SEL1L2: variants seen among roughly 807,000 people sequenced by gnomAD.
SEL1L2 encodes SEL1L2 adaptor subunit of SYVN1 ubiquitin ligase.
A neutral mutation model predicts 98.8 loss-of-function variants in SEL1L2; 89 were observed. The ratio of observed to expected loss-of-function variants is 0.90; its 90% confidence interval spans 0.76 to 1.07. The LOEUF (loss-of-function observed/expected upper bound fraction) is 1.07, where lower values mean the gene tolerates loss of function less well. Ranked by LOEUF, SEL1L2 falls within the 50% of genes least tolerant of loss-of-function variation. The pLI, the probability that SEL1L2 is intolerant of heterozygous loss-of-function variation, is 0.00. For missense variants in SEL1L2, 788 were observed against 812.0 expected, an observed-to-expected ratio of 0.97 and a Z score of 0.36; for synonymous variants, 262 against 278.5, an observed-to-expected ratio of 0.94 and a Z score of 0.59.
chr20:13,876,406 C>CTTTTTT (rs11087067), intron 11 of SEL1L2, among the ~76,000 whole-genome samples: 3 of 101,944 alleles, frequency 2.9e-5, no homozygotes, highest in Non-Finnish European at 6.0e-5. Flanking sequence ...CTCTCTCTCT[C>CTTTTTT]TTTTTTTTTT....
intron 5 of SEL1L2, among the ~76,000 whole-genome samples, chr20:13,904,798 CTAATT>C (rs1364001561): frequency 6.6e-6 from 1 of 152,156 alleles, no homozygotes; most frequent in African/African-American, 2.4e-5. Flanking sequence ...AATTTAGAAT[CTAATT>C]TAGTTATGCA....
chr20:13,862,585 C>T (rs1175604667), intron 17 of SEL1L2, among the ~76,000 whole-genome samples: 1 of 152,166 alleles, frequency 6.6e-6, no homozygotes, highest in Non-Finnish European at 1.5e-5. Flanking sequence ...CTTCTAGAAT[C>T]TTCTATTAAA....
chr20:13,962,333 C>G (rs1051229943), intron 1 of SEL1L2, among the ~76,000 whole-genome samples: 2 of 152,208 alleles, frequency 1.3e-5, no homozygotes, highest in Admixed American at 6.5e-5. Context: ...TGGCAGATGA[C>G]ACTTCAAATT....
rs746319532 is a variant in SEL1L2 at position 13,877,582 on chromosome 20, A to T, written c.964T>A (p.Leu322Ile). ...KGLDQDYYKA[L>I]HYFLKAAKAG... ...TTTGCTGCCTTTAAGAAGTAGTGTA[A>T]TGCTTTCTGGAGAGAAAAGGAACAG... Residue 322 changes from leucine (L) to isoleucine (I), a missense_variant, in exon 11 of 20, where the codon TTA becomes ATA. Transcript: ENST00000284951. 9.9e-6 allele frequency: 16 copies of T among 1,612,546 alleles called. No individual in the cohort carries two copies. Among genetic ancestry groups the T allele is most frequent in the African/African-American group, 1.3e-5 (1 of 74,902 alleles).
At chr20:13,974,527 G>A (rs1006507512) in intron 1 of SEL1L2, among the ~76,000 whole-genome samples, 2 of 128,082 alleles carry the variant, frequency 1.6e-5, no homozygotes, top group Non-Finnish European at 3.1e-5. Flanking sequence ...CCCCCAGGCT[G>A]GAGTGCAGTG....
At chr20:13,875,399 C>T (rs1387148310) in intron 12 of SEL1L2, among the ~76,000 whole-genome samples, 1 of 152,200 alleles carries the variant, frequency 6.6e-6, no homozygotes, top group African/African-American at 2.4e-5. Flanking sequence ...GCCACTGTGC[C>T]TGGCAGGCAA....
upstream of SEL1L2, among the ~76,000 whole-genome samples, chr20:13,994,295 CAAAAAAAA>C (rs10557935): frequency 1.4e-5 from 1 of 70,956 alleles, no homozygotes; most frequent in Non-Finnish European, 2.6e-5. Context: ...AACTCTGCCT[CAAAAAAAA>C]AAAAAAAAAA....
intron 11 of SEL1L2, 92 bp from the exon 12 acceptor site, chr20:13,876,207 A>T: frequency 1.1e-6 from 1 of 895,362 alleles, no homozygotes; most frequent in Non-Finnish European, 1.9e-6. Context: ...ACAGTGGTAC[A>T]ACATATTGAA....
chr20:13,902,809 A>G (rs1027849443), intron 5 of SEL1L2, among the ~76,000 whole-genome samples: 3 of 152,152 alleles, frequency 2.0e-5, no homozygotes, highest in Admixed American at 2.0e-4. Flanking sequence ...AAATTAATCA[A>G]TGCAAGTGTA....
chr20:13,966,418 A>C (rs1027468424), intron 1 of SEL1L2, among the ~76,000 whole-genome samples: 1 of 151,996 alleles, frequency 6.6e-6, no homozygotes, highest in Non-Finnish European at 1.5e-5. Flanking sequence ...TCCTAGGTTC[A>C]AGCGATTCTC....
At chr20:13,882,810 GT>G (rs2046768825) in intron 10 of SEL1L2, among the ~76,000 whole-genome samples, 1 of 116,198 alleles carries the variant, frequency 8.6e-6, no homozygotes, top group African/African-American at 3.1e-5. Flanking sequence ...AAGTCAATTT[GT>G]CTTTTTTTTT....
intron 5 of SEL1L2, 67 bp from the exon 6 acceptor site, chr20:13,888,579 G>A (rs1387124816): frequency 1.2e-5 from 9 of 748,548 alleles, no homozygotes; most frequent in Non-Finnish European, 2.0e-5. Flanking sequence ...ATATGGATAA[G>A]GGATATCTTA....
rs1465747879 is a variant in SEL1L2 at position 13,859,324 on chromosome 20, G to T, written c.1756C>A (p.His586Asn). The change falls in exon 18 of 20, where the codon CAC becomes AAC. Residue 586 changes from histidine (H) to asparagine (N), a missense_variant. Coordinates refer to ENST00000284951, the MANE Select transcript of SEL1L2 (RefSeq NM_025229.2). ...AGATTGAACATGGCTTGCGCGTTGT[G>T]GTATTTGTTGGCTGCAATGCTGTAG... is the stretch of plus-strand genomic sequence containing the variant. ...THYSIAANKY[H>N]NAQAMFNLAY... 1.2e-6 allele frequency: 2 copies of T among 1,614,032 alleles called. No homozygotes were observed. The highest frequency in any genetic ancestry group is 1.7e-6 in the Non-Finnish European group (2 of 1,180,022).
intron 1 of SEL1L2, among the ~76,000 whole-genome samples, chr20:13,966,438 C>T (rs2051046593): frequency 2.6e-5 from 4 of 152,054 alleles, no homozygotes; most frequent in African/African-American, 7.2e-5. Context: ...CCTGCCTCAG[C>T]CTCTTGAGTA....
intron 2 of SEL1L2, among the ~76,000 whole-genome samples, chr20:13,938,870 A>G (rs141084665): frequency 6.6e-6 from 1 of 151,632 alleles, no homozygotes; most frequent in Non-Finnish European, 1.5e-5. Flanking sequence ...GTTTAAATAC[A>G]TTTTTCTGTT....
intron 19 of SEL1L2, 90 bp downstream of exon 19, chr20:13,850,101 G>A: frequency 6.7e-7 from 1 of 1,482,366 alleles, no homozygotes. Flanking sequence ...CAGTCCACAA[G>A]AGACTCCCTG....
chr20:13,939,398 T>C (rs1418515079), intron 2 of SEL1L2, among the ~76,000 whole-genome samples: 1 of 152,094 alleles, frequency 6.6e-6, no homozygotes, highest in African/African-American at 2.4e-5. Flanking sequence ...GTTTTACTAG[T>C]AGAAAATACT....
intron 3 of SEL1L2, among the ~76,000 whole-genome samples, chr20:13,930,458 G>A (rs2049095763): frequency 6.6e-6 from 1 of 152,170 alleles, no homozygotes; most frequent in South Asian, 2.1e-4. Context: ...CCTATATCCT[G>A]TCTACGCCTT....
At chr20:13,897,082 T>C (rs1357221751) in intron 5 of SEL1L2, among the ~76,000 whole-genome samples, 1 of 152,168 alleles carries the variant, frequency 6.6e-6, no homozygotes, top group Non-Finnish European at 1.5e-5. Context: ...TGGAACAGAA[T>C]GCATAAAACA....
Sources: gnomAD v4.1 joint callset for allele counts (sites outside exome capture counted in the v4.1 genomes callset) on GRCh38, gnomAD v4.1.1 for gene constraint, MANE v1.5 for transcripts, NCBI Gene and HGNC (gene_info 2026-07-23, HGNC 2026-07-21) for gene names.